MST1R: variants seen among roughly 807,000 people sequenced by gnomAD.
The protein encoded by MST1R is macrophage stimulating 1 receptor, also known as macrophage-stimulating protein receptor.
Under a neutral mutation model 117.8 loss-of-function variants are expected in MST1R, and 99 were observed. The ratio of observed to expected loss-of-function variants is 0.84; its 90% confidence interval spans 0.71 to 0.99. The LOEUF is 0.99. MST1R is among the 50% of genes least tolerant of loss of function. The probability of loss-of-function intolerance (pLI) is 0.00; values close to 1 mark genes in which losing one functional copy is unlikely to be tolerated. For synonymous variants in MST1R, 734 were observed against 765.3 expected (o/e 0.96, Z 0.68); for missense variants, 1,683 against 1,840.2 (o/e 0.91, Z 1.56).
At position 49,889,975 on chromosome 3, in the gene MST1R, A is replaced by G. The variant is rs200413203; in HGVS notation, c.3896T>C (p.Phe1299Ser). Residue 1299 changes from phenylalanine (F) to serine (S), a missense_variant, in exon 19 of 20, where the codon TTC becomes TCC. By Grantham distance (155) the Phe-to-Ser change is radical. Transcript: ENST00000296474. Reference sequence around the variant, plus strand: ...GGGCAGGCGCCGACCCTGGGCCAGGAAGTGGGTAAGGTCAAAAGGGTCAAT... The same window carrying G: ...GGGCAGGCGCCGACCCTGGGCCAGGGAGTGGGTAAGGTCAAAAGGGTCAAT... Reference protein sequence around the residue: ...RHIDPFDLTHFLAQGRRLPQP... With the variant: ...RHIDPFDLTHSLAQGRRLPQP... 5.5e-5 allele frequency: 88 copies of G among 1,613,962 alleles called. No individual in the cohort carries two copies. The highest frequency in any genetic ancestry group is 7.0e-5 in the Non-Finnish European group (83 of 1,180,000).
In MST1R at chr3:49,903,499, A is replaced by G. The variant is rs750249557; in HGVS notation, c.111T>C (p.Ser37=). 1 of 1,611,124 alleles carries G rather than the reference A, an allele frequency of 6.2e-7. No homozygotes were observed. Among genetic ancestry groups the G allele is most frequent in the South Asian group, 1.1e-5 (1 of 91,092 alleles). ...WQCPRTPYAA[S]RDFDVKYVVP... is the part of the protein sequence containing the mutation. ...CCACGTACTTCACGTCAAAGTCGCGAGAGGCCGCGTAGGGGGTGCGCGGGC... is the reference window on the plus strand; with the variant it reads ...CCACGTACTTCACGTCAAAGTCGCGGGAGGCCGCGTAGGGGGTGCGCGGGC... Residue 37 remains serine, a synonymous_variant, in exon 1 of 20, where the codon TCT becomes TCC. Coordinates refer to ENST00000296474, the MANE Select transcript of MST1R (RefSeq NM_002447.4).
In MST1R at chr3:49,899,243, G is replaced by A. The variant is rs1015536163; in HGVS notation, c.1251C>T (p.Ser417=). 2 of 1,614,132 alleles carry A rather than the reference G, an allele frequency of 1.2e-6. No homozygotes were observed. The highest frequency in any genetic ancestry group is 1.3e-5 in the African/African-American group (1 of 75,058). ...CPNPPGLEAL[S]PNTSCRHFPL... is the part of the protein sequence containing the mutation. The stretch of plus-strand genomic sequence containing the variant: ...GGAAGTGGCGGCAGCTGGTGTTGGG[G>A]CTGAGGGCTTCCAGGCCAGGCTGGG... Residue 417 remains serine, a synonymous_variant, in exon 2 of 20, where the codon AGC becomes AGT. Coordinates refer to ENST00000296474, the MANE Select transcript of MST1R (RefSeq NM_002447.4).
At position 49,899,207 on chromosome 3, in the gene MST1R, G is replaced by A. The variant is rs2082584810; in HGVS notation, c.1287C>T (p.Val429=). Reference sequence around the variant, plus strand: ...GGTCCACACGTGAGAAGCTGCTACTGACCAGCAGAGGGAAGTGGCGGCAGC... The same window carrying A: ...GGTCCACACGTGAGAAGCTGCTACTAACCAGCAGAGGGAAGTGGCGGCAGC... ...NTSCRHFPLL[V]SSSFSRVDLF... is the part of the protein sequence containing the mutation. Residue 429 remains valine (V), a synonymous_variant, in exon 2 of 20, where the codon GTC becomes GTT. Transcript: ENST00000296474. The A allele has an allele frequency of 6.2e-7, 1 of 1,614,024 alleles. No homozygotes were observed. The highest frequency in any genetic ancestry group is 1.3e-5 in the African/African-American group (1 of 74,914).
rs2108507030 is a variant in MST1R, at chr3:49,902,895, G to A, written c.715C>T (p.Pro239Ser). The A allele has an allele frequency of 1.2e-6, 2 of 1,613,536 alleles. No individual in the cohort carries two copies. The highest frequency in any genetic ancestry group is 1.7e-6 in the Non-Finnish European group (2 of 1,180,048). ...ATACTGTAGGAGACAAGATGCTTGG[G>A]CAGCACTGACAACGCCACAAAGCCC... ...APGFVALSVL[P>S]KHLVSYSIEY... Residue 239 changes from proline to serine, a missense_variant, in exon 1 of 20, where the codon CCC becomes TCC. Transcript: ENST00000296474.
chr3:49,887,386 G>A lies in MST1R; in HGVS notation c.4124C>T (p.Pro1375Leu), dbSNP rs1283455820. The A allele has an allele frequency of 1.9e-6, 3 of 1,614,122 alleles. No homozygotes were observed. The highest frequency in any genetic ancestry group is 2.7e-5 in the African/African-American group (2 of 74,946). Reference protein sequence around the residue: ...PSTSHEMNVRPEQPQFSPMPG... With the variant: ...PSTSHEMNVRLEQPQFSPMPG... ...CATGGGTGAGAACTGCGGCTGTTCT[G>A]GACGCACATTCATCTCATGCGAGGT... Residue 1375 changes from proline (P) to leucine (L), a missense_variant, in exon 20 of 20, where the codon CCA (proline) becomes CTA (leucine). Pro to Leu is a moderately conservative substitution (Grantham distance 98). Coordinates refer to ENST00000296474, the MANE Select transcript of MST1R (RefSeq NM_002447.4).
chr3:49,891,938 G>T, intron 14 of MST1R, 100 bp from the exon 15 acceptor site: 1 of 818,696 alleles, frequency 1.2e-6, no homozygotes, highest in Non-Finnish European at 2.0e-6. Context: ...CACTAAACTG[G>T]CCAATCTGAC....
In MST1R at chr3:49,899,177, G is replaced by A; in HGVS notation, c.1317C>T (p.Phe439=). 6.2e-7 allele frequency: 1 copy of A among 1,614,172 alleles called. No homozygotes were observed. Among genetic ancestry groups the A allele is most frequent in the Non-Finnish European group, 8.5e-7 (1 of 1,180,040 alleles). Residue 439 remains phenylalanine, a synonymous_variant, in exon 2 of 20, where the codon TTC becomes TTT. Transcript: ENST00000296474. ...CCTGTACTGGTCCCAACAGCCCATT[G>A]AATAGGTCCACACGTGAGAAGCTGC... ...VSSSFSRVDL[F]NGLLGPVQVT...
Position 49,903,750 on chromosome 3 carries a change from GC to G in MST1R, c.-142del. 8.4e-7 allele frequency: 1 copy of G among 1,194,496 alleles called. No individual in the cohort carries two copies. Among genetic ancestry groups the G allele is most frequent in the Non-Finnish European group, 1.1e-6 (1 of 881,616 alleles). The allele number at this position is 1,194,496 out of a possible 1,614,324, so 74.0% of individuals were successfully genotyped here. On this transcript the variant is annotated 5_prime_UTR_variant, in exon 1 of 20. Transcript: ENST00000296474. ...GACAGCCCCAAGATAGCGGACCCCCGCCCCAGGTTCCTGTGAAACCCAAATC... is the reference window on the plus strand; with the variant it reads ...GACAGCCCCAAGATAGCGGACCCCCGCCCAGGTTCCTGTGAAACCCAAATC...
Position 49,897,603 on chromosome 3 carries a change from C to T in MST1R, c.1963G>A (p.Val655Ile), listed in dbSNP as rs1309171612. The change falls in exon 6 of 20, where the codon GTC becomes ATC. Residue 655 changes from valine (V) to isoleucine (I), a missense_variant. Transcript: ENST00000296474. ...GGCATGTTAGTCACGGTGAGGCTGA[C>T]GTTGGTAGGCCCCACTGCCTGGGTG... ...LGTQAVGPTN[V>I]SLTVTNMPPG... 41 of 1,614,044 alleles carry T rather than the reference C, an allele frequency of 2.5e-5. No individual in the cohort carries two copies. The highest frequency in any genetic ancestry group is 2.4e-4 in the South Asian group (22 of 91,096).
chr3:49,887,620 C>T, intron 19 of MST1R, 58 bp from the exon 20 acceptor site: 1 of 1,583,932 alleles, frequency 6.3e-7, no homozygotes, highest in Non-Finnish European at 8.6e-7. Context: ...TTCTGGGCCA[C>T]CCACTTGCTG....
chr3:49,902,432 C>A lies in MST1R; in HGVS notation c.1178G>T (p.Gly393Val). 1 of 1,614,172 alleles carries A rather than the reference C, an allele frequency of 6.2e-7. No homozygotes were observed. Among genetic ancestry groups the A allele is most frequent in the Non-Finnish European group, 8.5e-7 (1 of 1,180,040 alleles). The change falls in exon 1 of 20, where the codon GGC becomes GTC. Residue 393 changes from glycine to valine, a missense_variant. Transcript: ENST00000296474. ...ERCCESPVHP[G>V]LRRGLDFFQS... is the part of the protein sequence containing the mutation. ...GAAGAAGTCGAGGCCTCGCCGGAGGCCTGGATGGACTGGGGATTCACAACA... is the reference window on the plus strand; with the variant it reads ...GAAGAAGTCGAGGCCTCGCCGGAGGACTGGATGGACTGGGGATTCACAACA...
At position 49,896,083 on chromosome 3, in the gene MST1R, C is replaced by G. The variant is rs369621893; in HGVS notation, c.2674G>C (p.Asp892His). Residue 892 changes from aspartate (D) to histidine (H), a missense_variant, in exon 11 of 20, where the codon GAC becomes CAC. Physicochemically the swap from Asp to His is moderately conservative, Grantham distance 81 (BLOSUM62 -1). Coordinates refer to ENST00000296474, the MANE Select transcript of MST1R (RefSeq NM_002447.4). ...FEYIGLGAVADCVGINVTVGG... is the reference protein window; with the variant it reads ...FEYIGLGAVAHCVGINVTVGG... Reference sequence around the variant, plus strand: ...ACGGTCACGTTGATACCCACACAGTCAGCCACAGCGCCCAGCCCAATATAC... The same window carrying G: ...ACGGTCACGTTGATACCCACACAGTGAGCCACAGCGCCCAGCCCAATATAC... The G allele has an allele frequency of 4.1e-5, 66 of 1,611,884 alleles. No homozygotes were observed. The African/African-American group carries it at 7.6e-4, about 19-fold the overall frequency.
At chr3:49,902,353 A>T (rs1384213009) in intron 1 of MST1R, 27 bp downstream of exon 1, 24 of 1,602,706 alleles carry the variant, frequency 1.5e-5, no homozygotes, top group Non-Finnish European at 1.8e-5. Flanking sequence ...TGCAGCTCAC[A>T]AGTAAGGGCC....
rs1442108942 is a variant in MST1R at position 49,895,565 on chromosome 3, C to G, written c.2963-17G>C. The G allele has an allele frequency of 6.2e-7, 1 of 1,613,704 alleles. No homozygotes were observed. The highest frequency in any genetic ancestry group is 8.5e-7 in the Non-Finnish European group (1 of 1,179,826). On this transcript the variant is annotated splice_polypyrimidine_tract_variant and intron_variant, in intron 12 of 19. Coordinates refer to ENST00000296474, the MANE Select transcript of MST1R (RefSeq NM_002447.4). ...GAGGAAGAACTGTGGAAAGAGAATCCTTGGTGGCTTGGCTTTCCAAGCTCC... is the reference window on the plus strand; with the variant it reads ...GAGGAAGAACTGTGGAAAGAGAATCGTTGGTGGCTTGGCTTTCCAAGCTCC...
intron 19 of MST1R, 37 bp downstream of exon 19, chr3:49,889,887 C>T: frequency 6.2e-7 from 1 of 1,612,878 alleles, no homozygotes; most frequent in Non-Finnish European, 8.5e-7. Flanking sequence ...GTCTCTGGGG[C>T]CCAGTTCCCT....
chr3:49,902,687 C>A lies in MST1R; in HGVS notation c.923G>T (p.Arg308Leu), dbSNP rs761090501. The A allele has an allele frequency of 6.2e-7, 1 of 1,613,326 alleles. No homozygotes were observed. Among genetic ancestry groups the A allele is most frequent in the African/African-American group, 1.3e-5 (1 of 74,960 alleles). The change falls in exon 1 of 20, where the codon CGC becomes CTC. Residue 308 changes from arginine to leucine, a missense_variant. Coordinates refer to ENST00000296474, the MANE Select transcript of MST1R (RefSeq NM_002447.4). Reference protein sequence around the residue: ...LDCRFAPKRRRRGAPEGGQPY... With the variant: ...LDCRFAPKRRLRGAPEGGQPY... ...CTGTCCGCCTTCTGGGGCCCCCCGG[C>A]GCCTGCGTTTTGGAGCAAATCTGCA...
chr3:49,897,424 G>T lies in MST1R; in HGVS notation c.2047-8C>A. The T allele has an allele frequency of 6.2e-7, 1 of 1,612,776 alleles. No homozygotes were observed. The highest frequency in any genetic ancestry group is 8.5e-7 in the Non-Finnish European group (1 of 1,179,344). On this transcript the variant is annotated splice_polypyrimidine_tract_variant and splice_region_variant and intron_variant, in intron 6 of 19. Coordinates refer to ENST00000296474, the MANE Select transcript of MST1R (RefSeq NM_002447.4). The stretch of plus-strand genomic sequence containing the variant: ...TGCTATCAGCACTGGCTCCTAAGAG[G>T]ACATAGAGGTGGCTTAGGCAGGTCC...
intron 1 of MST1R, 46 bp downstream of exon 1, chr3:49,902,334 C>T: frequency 6.3e-7 from 1 of 1,584,602 alleles, no homozygotes; most frequent in South Asian, 1.2e-5. Flanking sequence ...CTGTGTTCAG[C>T]CATGTGCATG....
Position 49,887,505 on chromosome 3 carries a change from T to C in MST1R, c.4005A>G (p.Arg1335=). 2 of 1,614,166 alleles carry C rather than the reference T, an allele frequency of 1.2e-6. No individual in the cohort carries two copies. Among genetic ancestry groups the C allele is most frequent in the Non-Finnish European group, 1.7e-6 (2 of 1,179,986 alleles). ...TCTGCTCCACCTCCCCCACTAGTAC[T>C]CTGAAGGTGGGTCGCACTGCTGGGT... The part of the protein sequence containing the change: ...EADPAVRPTF[R]VLVGEVEQIV... Residue 1335 remains arginine (R), a synonymous_variant, in exon 20 of 20, where the codon AGA becomes AGG. Coordinates refer to ENST00000296474, the MANE Select transcript of MST1R (RefSeq NM_002447.4).
Sources: gnomAD v4.1 joint callset for allele counts on GRCh38, gnomAD v4.1.1 for gene constraint, MANE v1.5 for transcripts, NCBI Gene and HGNC (gene_info 2026-07-23, HGNC 2026-07-21) for gene names.